Variants in DLGAP2 observed in about 807,000 individuals in gnomAD.
DLGAP2 encodes the protein disks large-associated protein 2.
In DLGAP2, 26 loss-of-function variants were observed where a neutral mutation model predicts 100.3. The observed-to-expected ratio is 0.26, with a 90% CI of 0.19 to 0.36. The LOEUF (loss-of-function observed/expected upper bound fraction) is 0.36, where lower values mean the gene tolerates loss of function less well. Among genes scored for constraint, DLGAP2 ranks in the 10% least tolerant of loss-of-function variants. The pLI is 1.00. For synonymous variants in DLGAP2, 886 were observed against 630.1 expected (o/e 1.41, Z -6.08); for missense variants, 1,858 against 1,453.2 (o/e 1.28, Z -4.53).
At chr8:1,693,543 C>T (rs1326478428) in intron 13 of DLGAP2, among the ~76,000 whole-genome samples, 2 of 152,120 alleles carry the variant, frequency 1.3e-5, no homozygotes, top group Admixed American at 6.6e-5. Context: ...CTCTAGGCCT[C>T]GCGTAGCAAT....
At position 1,287,225 on chromosome 8, in the gene DLGAP2, GTA is replaced by G. The variant is rs1491088606; in HGVS notation, c.106+28344_106+28345del. Among the ~76,000 whole-genome samples the G allele has an allele frequency of 1.7e-3, 142 of 84,552 alleles. 1 individual carries two copies. The highest frequency in any genetic ancestry group is 7.1e-3 in the Middle Eastern group (1 of 140). The allele number at this position is 84,552 out of a possible 152,430, so 55.5% of individuals were successfully genotyped here. On this transcript the variant is annotated intron_variant, in intron 3 of 14. Transcript: ENST00000637795. ...GTTCAGTGTGTGTGTGTGTGTGTGT[GTA>G]TGTGGTTTTGTTAGGAGGGGAACTA...
At chr8:970,003 TTC>T (rs1799974008) in intron 2 of DLGAP2, among the ~76,000 whole-genome samples, 1 of 152,212 alleles carries the variant, frequency 6.6e-6, no homozygotes, top group African/African-American at 2.4e-5. Context: ...ATGAGTGAAA[TTC>T]TGACATGGTT....
intron 3 of DLGAP2, among the ~76,000 whole-genome samples, chr8:1,435,462 G>C (rs1178652193): frequency 6.6e-6 from 1 of 152,092 alleles, no homozygotes; most frequent in African/African-American, 2.4e-5. Context: ...CCGTCACAAT[G>C]CATGACTCAC....
chr8:1,037,411 T>G (rs1802161256), intron 2 of DLGAP2, among the ~76,000 whole-genome samples: 1 of 152,130 alleles, frequency 6.6e-6, no homozygotes, highest in Non-Finnish European at 1.5e-5. Flanking sequence ...TGACTCAGAC[T>G]GTGAAGGGGC....
chr8:1,302,244 G>C (rs1236826283), intron 3 of DLGAP2: 2 of 148,212 alleles, frequency 1.3e-5, no homozygotes, highest in Admixed American at 6.7e-5. Flanking sequence ...CCTGGGACCG[G>C]ACTCAGCATT....
intron 2 of DLGAP2, among the ~76,000 whole-genome samples, chr8:1,044,690 A>G (rs1284361670): frequency 6.6e-6 from 1 of 152,172 alleles, no homozygotes; most frequent in Non-Finnish European, 1.5e-5. Flanking sequence ...ACTAGAAGCT[A>G]TCGGAGGAAA....
At chr8:1,223,708 C>T (rs906281777) in intron 2 of DLGAP2, among the ~76,000 whole-genome samples, 1 of 152,174 alleles carries the variant, frequency 6.6e-6, no homozygotes, top group Admixed American at 6.5e-5. Flanking sequence ...TGGGCCCCTG[C>T]AGCCATTATG....
At chr8:1,055,026 C>T (rs751742023) in intron 2 of DLGAP2, among the ~76,000 whole-genome samples, 9 of 152,154 alleles carry the variant, frequency 5.9e-5, no homozygotes, top group Non-Finnish European at 7.3e-5. Context: ...GTTGAGGCCA[C>T]ATGGTCAGAA....
At chr8:865,883 G>T (rs1340818032) in intron 1 of DLGAP2, among the ~76,000 whole-genome samples, 1 of 152,186 alleles carries the variant, frequency 6.6e-6, no homozygotes, top group Non-Finnish European at 1.5e-5. Context: ...GGGCAGTAGG[G>T]AACAGCTGCT....
intron 1 of DLGAP2, among the ~76,000 whole-genome samples, chr8:853,891 G>C (rs1215904895): frequency 1.3e-5 from 2 of 152,166 alleles, no homozygotes; most frequent in Non-Finnish European, 2.9e-5. Context: ...GATGGTGTTA[G>C]GAGGAGAGAC....
chr8:762,664 G>C (rs1467754758), intron 1 of DLGAP2, among the ~76,000 whole-genome samples: 1 of 151,966 alleles, frequency 6.6e-6, no homozygotes, highest in Admixed American at 6.6e-5. Context: ...AAGGAAGAAG[G>C]TGACAGTTTG....
chr8:1,127,423 TG>T (rs1231515899), intron 2 of DLGAP2, among the ~76,000 whole-genome samples: 1 of 151,578 alleles, frequency 6.6e-6, no homozygotes, highest in Non-Finnish European at 1.5e-5. Flanking sequence ...CCTTCGTGTG[TG>T]GAGGCCCCTT....
chr8:1,408,049 C>T (rs942014631), intron 3 of DLGAP2, among the ~76,000 whole-genome samples: 1 of 152,214 alleles, frequency 6.6e-6, no homozygotes, highest in Non-Finnish European at 1.5e-5. Flanking sequence ...CCAAAAATGC[C>T]TCCAGATAGT....
At chr8:1,313,972 T>C (rs1162897144) in intron 3 of DLGAP2, among the ~76,000 whole-genome samples, 1 of 152,204 alleles carries the variant, frequency 6.6e-6, no homozygotes, top group Non-Finnish European at 1.5e-5. Context: ...ATTTTTAAAA[T>C]TACAATATTT....
intron 2 of DLGAP2, among the ~76,000 whole-genome samples, chr8:1,213,044 T>C (rs952525129): frequency 6.6e-6 from 1 of 152,170 alleles, no homozygotes; most frequent in South Asian, 2.1e-4. Context: ...GATGAGAATT[T>C]GGGAGGCCAC....
chr8:1,589,723 C>T (rs1023061553), intron 6 of DLGAP2, among the ~76,000 whole-genome samples: 5 of 152,186 alleles, frequency 3.3e-5, no homozygotes, highest in African/African-American at 7.2e-5. Context: ...AGAAGATGTA[C>T]AGTAAGGGAA....
intron 1 of DLGAP2, among the ~76,000 whole-genome samples, chr8:830,689 A>G (rs909058691): frequency 1.3e-5 from 2 of 152,040 alleles, no homozygotes; most frequent in African/African-American, 2.4e-5. Context: ...TCATTTCAAT[A>G]TTACTACGAT....
intron 2 of DLGAP2, among the ~76,000 whole-genome samples, chr8:1,232,947 C>A (rs149440942): frequency 2.0e-5 from 3 of 152,180 alleles, no homozygotes; most frequent in Admixed American, 6.5e-5. Flanking sequence ...CACCCCCTGC[C>A]CAGCCCTAGG....
chr8:1,546,953 C>T (rs993417319), intron 4 of DLGAP2, among the ~76,000 whole-genome samples: 3 of 152,142 alleles, frequency 2.0e-5, no homozygotes, highest in African/African-American at 7.2e-5. Context: ...CCACGCTCAG[C>T]CGTCGAGGTG....
Sources: allele counts gnomAD v4.1 joint callset (sites outside exome capture counted in the v4.1 genomes callset), GRCh38; gene constraint gnomAD v4.1.1; transcripts MANE v1.5; gene names NCBI Gene and HGNC (gene_info 2026-07-23, HGNC 2026-07-21).